HSD17B4: variants seen among roughly 807,000 people sequenced by gnomAD.
HSD17B4 encodes the protein hydroxysteroid 17-beta dehydrogenase 4.
In HSD17B4, 70 loss-of-function variants were observed where a neutral mutation model predicts 101.0. The ratio of observed to expected loss-of-function variants is 0.69; its 90% confidence interval spans 0.57 to 0.85. The LOEUF (loss-of-function observed/expected upper bound fraction) is 0.85, where lower values mean the gene tolerates loss of function less well. Ranked by LOEUF, HSD17B4 falls within the 40% of genes least tolerant of loss-of-function variation. HSD17B4 has a pLI of 0.00. For synonymous variants in HSD17B4, 347 were observed against 297.1 expected, an observed-to-expected ratio of 1.17 and a Z score of -1.73; for missense variants, 984 against 892.4, an observed-to-expected ratio of 1.10 and a Z score of -1.31.
intron 17 of HSD17B4, among the ~76,000 whole-genome samples, chr5:119,523,698 A>G (rs1380484717): frequency 6.6e-6 from 1 of 152,186 alleles, no homozygotes; most frequent in African/African-American, 2.4e-5. Flanking sequence ...TAATCTTAGA[A>G]ACTTGGTTGT....
At chr5:119,462,393 C>G (rs746279374) in intron 2 of HSD17B4, among the ~76,000 whole-genome samples, 12 of 146,642 alleles carry the variant, frequency 8.2e-5, no homozygotes, top group Non-Finnish European at 1.3e-4. Context: ...TTTGCCGTTT[C>G]TTATAGACTT....
At chr5:119,540,074 A>C (rs1754860137) in intron 23 of HSD17B4, among the ~76,000 whole-genome samples, 1 of 152,110 alleles carries the variant, frequency 6.6e-6, no homozygotes, top group South Asian at 2.1e-4. Flanking sequence ...GTGACAGAGC[A>C]AGACCCTGTG....
intron 8 of HSD17B4, among the ~76,000 whole-genome samples, chr5:119,484,244 A>T (rs141143335): frequency 6.6e-6 from 1 of 152,128 alleles, no homozygotes; most frequent in Non-Finnish European, 1.5e-5. Flanking sequence ...TCAAGAATCT[A>T]ATTCTTTTGT....
At chr5:119,502,510 T>G (rs1751265481) in intron 14 of HSD17B4, among the ~76,000 whole-genome samples, 1 of 138,768 alleles carries the variant, frequency 7.2e-6, no homozygotes, top group African/African-American at 2.7e-5. Flanking sequence ...TTTTTCTTTT[T>G]TTTTGGAGAA....
chr5:119,522,676 G>A (rs1264230961), intron 17 of HSD17B4, among the ~76,000 whole-genome samples: 1 of 151,946 alleles, frequency 6.6e-6, no homozygotes, highest in African/African-American at 2.4e-5. Context: ...GTGGGGAGGT[G>A]TTTTATTTTT....
At chr5:119,541,461 A>G (rs911199055) in intron 23 of HSD17B4, among the ~76,000 whole-genome samples, 1 of 152,186 alleles carries the variant, frequency 6.6e-6, no homozygotes, top group African/African-American at 2.4e-5. Flanking sequence ...TCTATTCAAC[A>G]TTGTGTTATA....
At chr5:119,525,375 A>G (rs1362600316) in intron 18 of HSD17B4, 90 bp downstream of exon 18, 1 of 804,312 alleles carries the variant, frequency 1.2e-6, no homozygotes, top group Non-Finnish European at 2.2e-6. Flanking sequence ...TATGACTGGT[A>G]GTTTGAGTAG....
chr5:119,479,025 A>G lies in HSD17B4; in HGVS notation c.622+4A>G, dbSNP rs772919216. The G allele has an allele frequency of 1.9e-6, 3 of 1,609,166 alleles. No individual in the cohort carries two copies. Among genetic ancestry groups the G allele is most frequent in the East Asian group, 2.2e-5 (1 of 44,852 alleles). On this transcript the variant is annotated splice_donor_region_variant and intron_variant, in intron 8 of 23. Coordinates refer to ENST00000510025, the MANE Select transcript of HSD17B4 (RefSeq NM_000414.4). ...ACTCAGACAGTTATGCCTGAAGGTAAGTAAGCAAGCTTATATTTTTCAGTG... is the reference window on the plus strand; with the variant it reads ...ACTCAGACAGTTATGCCTGAAGGTAGGTAAGCAAGCTTATATTTTTCAGTG...
Position 119,509,401 on chromosome 5 carries a change from T to C in HSD17B4, c.1437+157T>C, listed in dbSNP as rs1554066478. On this transcript the variant is annotated intron_variant, in intron 16 of 23. Coordinates refer to ENST00000510025, the MANE Select transcript of HSD17B4 (RefSeq NM_000414.4). ...CCTGGGACACCAAGACCAGTCCCTC[T>C]TCTTCCTCCTCCTCTTCCTCCTCCT... The C allele has an allele frequency of 4.1e-5, 29 of 706,310 alleles. No homozygotes were observed. The South Asian group carries it at 4.3e-4, about 10-fold the overall frequency. The allele number at this position is 706,310 out of a possible 1,614,324, so 43.8% of individuals were successfully genotyped here.
At position 119,536,486 on chromosome 5, in the gene HSD17B4, C is replaced by G. The variant is rs780532444; in HGVS notation, c.2057C>G (p.Thr686Arg). Residue 686 changes from threonine (T) to arginine (R), a missense_variant, in exon 23 of 24, where the codon ACA becomes AGA. Physicochemically the swap from Thr to Arg is moderately conservative, Grantham distance 71. Coordinates refer to ENST00000510025, the MANE Select transcript of HSD17B4 (RefSeq NM_000414.4). Reference sequence around the variant, plus strand: ...GGCCCTGCAAAAGGTGCTGCTGATACAACAATCATACTTTCAGATGAAGAT... The same window carrying G: ...GGCCCTGCAAAAGGTGCTGCTGATAGAACAATCATACTTTCAGATGAAGAT... ...YQGPAKGAADTTIILSDEDFM... is the reference protein window; with the variant it reads ...YQGPAKGAADRTIILSDEDFM... 10 of 1,611,826 alleles carry G rather than the reference C, an allele frequency of 6.2e-6. 1 individual carries two copies. Among genetic ancestry groups the G allele is most frequent in the Admixed American group, 5.0e-5 (3 of 59,860 alleles).
intron 8 of HSD17B4, chr5:119,487,131 T>C (rs1299758382): frequency 2.0e-5 from 3 of 152,096 alleles, no homozygotes; most frequent in Non-Finnish European, 4.4e-5. Context: ...TAGGACCCCA[T>C]CTTGATGCTG....
intron 1 of HSD17B4, among the ~76,000 whole-genome samples, chr5:119,455,911 C>T (rs1332547197): frequency 6.6e-6 from 1 of 152,146 alleles, no homozygotes. Context: ...ATGAAGAAGT[C>T]GCTGCTATAG....
intron 1 of HSD17B4, among the ~76,000 whole-genome samples, chr5:119,454,481 T>A (rs997364645): frequency 1.3e-4 from 20 of 152,094 alleles, no homozygotes; most frequent in African/African-American, 4.6e-4. Flanking sequence ...AATTTTTAAA[T>A]GTTTTCAAGA....
intron 22 of HSD17B4, 32 bp from the exon 23 acceptor site, chr5:119,536,391 G>T: frequency 6.2e-7 from 1 of 1,605,740 alleles, no homozygotes; most frequent in East Asian, 2.2e-5. Context: ...GAGAGAAAAA[G>T]ATACACATTG....
At chr5:119,497,689 T>C (rs10440770) in intron 12 of HSD17B4, among the ~76,000 whole-genome samples, 1,878 of 152,302 alleles carry the variant, frequency 0.012, 16 homozygotes, top group African/African-American at 0.023. Flanking sequence ...TTTGAAACTT[T>C]TTTCACATAC....
In HSD17B4 at chr5:119,497,978, G is replaced by A. The variant is rs190215892; in HGVS notation, c.972+1332G>A. ...GTCCGTTTCTTTTAAGGGAAGCATCGATATTGTATTTTAGAACTATTTCAA... is the reference window on the plus strand; with the variant it reads ...GTCCGTTTCTTTTAAGGGAAGCATCAATATTGTATTTTAGAACTATTTCAA... On this transcript the variant is annotated intron_variant, in intron 12 of 23. Transcript: ENST00000510025. Among the ~76,000 whole-genome samples, 33 of 152,156 alleles carry A rather than the reference G, an allele frequency of 2.2e-4. No individual in the cohort carries two copies. In the East Asian group the frequency reaches 4.1e-3, roughly 19 times the overall value.
chr5:119,513,724 A>C lies in HSD17B4; in HGVS notation c.1438-1257A>C, dbSNP rs1056197520. Among the ~76,000 whole-genome samples, 4 of 152,282 alleles carry C rather than the reference A, an allele frequency of 2.6e-5. No individual in the cohort carries two copies. In the East Asian group the frequency reaches 7.7e-4, roughly 29 times the overall value. ...CTAAACTAGATACCATTCTCTAAGC[A>C]CTTATCACAAGTATCACTTGTTGCT... On this transcript the variant is annotated intron_variant, in intron 16 of 23. Coordinates refer to ENST00000510025, the MANE Select transcript of HSD17B4 (RefSeq NM_000414.4).
At chr5:119,500,317 G>C (rs1414509091) in intron 13 of HSD17B4, among the ~76,000 whole-genome samples, 1 of 151,900 alleles carries the variant, frequency 6.6e-6, no homozygotes, top group Non-Finnish European at 1.5e-5. Context: ...TATAGAGAGA[G>C]AGATGGGTGC....
intron 8 of HSD17B4, among the ~76,000 whole-genome samples, chr5:119,486,670 C>G (rs1342882232): frequency 6.6e-6 from 1 of 152,054 alleles, no homozygotes; most frequent in African/African-American, 2.4e-5. Context: ...TGTGAATTTA[C>G]TTAATTATTA....
Sources: gnomAD v4.1 joint callset for allele counts (sites outside exome capture counted in the v4.1 genomes callset) on GRCh38, gnomAD v4.1.1 for gene constraint, MANE v1.5 for transcripts, NCBI Gene and HGNC (gene_info 2026-07-23, HGNC 2026-07-21) for gene names.